The following RTL4 variants were observed in gnomAD, a reference collection of about 807,000 sequenced individuals.
RTL4 encodes the protein retrotransposon Gag like 4.
Under a neutral mutation model 5.3 loss-of-function variants are expected in RTL4, and 4 were observed. The ratio of observed to expected loss-of-function variants is 0.75; its 90% CI spans 0.37 to 1.72. The LOEUF (loss-of-function observed/expected upper bound fraction) is 1.72, where lower values mean the gene tolerates loss of function less well. Ranked by LOEUF, RTL4 falls within the 40% of genes most tolerant of loss-of-function variation. The probability of loss-of-function intolerance (pLI) is 0.04; values close to 1 mark genes in which losing one functional copy is unlikely to be tolerated. For synonymous variants in RTL4, 98 were observed against 87.3 expected (o/e 1.12, Z -0.68); for missense variants, 260 against 227.1 (o/e 1.14, Z -0.93).
chrX:112,348,507 CAT>C, the RTL4 span, among the ~76,000 whole-genome samples: 17 of 109,786 alleles, frequency 1.5e-4, no homozygotes, highest in African/African-American at 4.0e-4. Context: ...CACACACACA[CAT>C]ACACCCACAG....
chrX:112,170,538 T>G, the RTL4 span, among the ~76,000 whole-genome samples: 1 of 111,664 alleles, frequency 9.0e-6, no homozygotes, highest in Non-Finnish European at 1.9e-5. Context: ...CATTCATAAT[T>G]TGGCTGTCTG....
the RTL4 span, among the ~76,000 whole-genome samples, chrX:112,086,984 C>T: frequency 8.9e-6 from 1 of 112,060 alleles, no homozygotes; most frequent in Non-Finnish European, 1.9e-5. Flanking sequence ...AGCTTCACTT[C>T]ATGGATTAGC....
the RTL4 span, among the ~76,000 whole-genome samples, chrX:112,405,619 C>T: frequency 9.0e-6 from 1 of 111,310 alleles, no homozygotes. Context: ...TAGATGGAGG[C>T]TATGCATTCT....
At chrX:112,274,667 A>C in the RTL4 span, among the ~76,000 whole-genome samples, 10 of 111,825 alleles carry the variant, frequency 8.9e-5, no homozygotes, top group Non-Finnish European at 1.9e-4. Context: ...GCAGGGCACC[A>C]GCAGGAAGAA....
At chrX:112,284,524 G>C in the RTL4 span, among the ~76,000 whole-genome samples, 1 of 111,180 alleles carries the variant, frequency 9.0e-6, no homozygotes. Flanking sequence ...CCTCTTCTCT[G>C]CTCATGCTAA....
At chrX:112,367,954 T>G in the RTL4 span, among the ~76,000 whole-genome samples, 10 of 112,052 alleles carry the variant, frequency 8.9e-5, no homozygotes, top group Non-Finnish European at 1.7e-4. Context: ...AAAAATAATT[T>G]GGCATGATGG....
chrX:112,443,409 T>C, the RTL4 span, among the ~76,000 whole-genome samples: 1 of 111,629 alleles, frequency 9.0e-6, no homozygotes, highest in Admixed American at 9.5e-5. Context: ...TGCAGATATC[T>C]CCTCCTCCTT....
the RTL4 span, among the ~76,000 whole-genome samples, chrX:112,127,207 G>A: frequency 1.2e-3 from 131 of 111,495 alleles, no homozygotes; most frequent in African/African-American, 3.9e-3. Context: ...ATATTAAAAG[G>A]GTTATACACC....
chrX:112,452,181 G>A (rs1926749260), upstream of RTL4, among the ~76,000 whole-genome samples: 1 of 103,427 alleles, frequency 9.7e-6, no homozygotes, highest in Admixed American at 1.1e-4. Context: ...ACCTCTGCCT[G>A]CCAGGTTCAA....
chrX:112,386,673 G>T, the RTL4 span, among the ~76,000 whole-genome samples: 1 of 111,693 alleles, frequency 9.0e-6, no homozygotes, highest in Admixed American at 9.5e-5. Flanking sequence ...AGGTTGCTGC[G>T]AATGCCATTA....
the RTL4 span, among the ~76,000 whole-genome samples, chrX:112,225,624 C>T: frequency 8.9e-6 from 1 of 111,931 alleles, no homozygotes; most frequent in Non-Finnish European, 1.9e-5. Context: ...TCATCTCCAA[C>T]AGAATGATGA....
At chrX:112,296,217 A>C in the RTL4 span, among the ~76,000 whole-genome samples, 1 of 110,854 alleles carries the variant, frequency 9.0e-6, no homozygotes, top group Non-Finnish European at 1.9e-5. Context: ...AGCAGAGTCA[A>C]AGGACCTGAA....
the RTL4 span, among the ~76,000 whole-genome samples, chrX:112,086,202 A>G: frequency 8.9e-6 from 1 of 112,298 alleles, no homozygotes; most frequent in Non-Finnish European, 1.9e-5. Context: ...GCTAATTAGC[A>G]TAGTCCTACA....
chrX:112,300,546 T>A, the RTL4 span, among the ~76,000 whole-genome samples: 24 of 112,274 alleles, frequency 2.1e-4, no homozygotes, highest in African/African-American at 7.4e-4. Context: ...AAACTGAGCA[T>A]GCATGTATAG....
chrX:112,424,385 G>A, the RTL4 span, among the ~76,000 whole-genome samples: 58 of 111,506 alleles, frequency 5.2e-4, no homozygotes, highest in African/African-American at 1.9e-3. Context: ...TTGTAGAAAA[G>A]TTCACAGGCA....
chrX:112,229,856 C>T, the RTL4 span, among the ~76,000 whole-genome samples: 6 of 111,832 alleles, frequency 5.4e-5, no homozygotes, highest in African/African-American at 2.0e-4. Context: ...TATTGGTGAA[C>T]CGCAAATGCT....
At chrX:112,285,328 T>C in the RTL4 span, among the ~76,000 whole-genome samples, 1 of 112,081 alleles carries the variant, frequency 8.9e-6, no homozygotes, top group Non-Finnish European at 1.9e-5. Context: ...GAATTCCCAG[T>C]AACAGTTGTA....
chrX:112,211,746 AC>A, the RTL4 span, among the ~76,000 whole-genome samples: 1 of 112,098 alleles, frequency 8.9e-6, no homozygotes, highest in African/African-American at 3.2e-5. Flanking sequence ...CCTCTCTCCC[AC>A]AAGTGTTAGT....
chrX:112,232,717 T>G, the RTL4 span, among the ~76,000 whole-genome samples: 1 of 111,911 alleles, frequency 8.9e-6, no homozygotes, highest in Admixed American at 9.5e-5. Flanking sequence ...GGAGTGGGCT[T>G]TCCTGAATTT....
Sources: gnomAD v4.1 joint callset for allele counts (sites outside exome capture counted in the v4.1 genomes callset) on GRCh38, gnomAD v4.1.1 for gene constraint, MANE v1.5 for transcripts, NCBI Gene and HGNC (gene_info 2026-07-23, HGNC 2026-07-21) for gene names.